ZNF730: variants seen among roughly 807,000 people sequenced by gnomAD.
ZNF730 encodes zinc finger protein 730, also known as putative zinc finger protein 730.
A neutral mutation model predicts 12.6 loss-of-function variants in ZNF730; 12 were observed. The ratio of observed to expected loss-of-function variants is 0.95; its 90% CI spans 0.61 to 1.54. The LOEUF (loss-of-function observed/expected upper bound fraction) is 1.54, where lower values mean the gene tolerates loss of function less well. ZNF730 is among the 40% of genes most tolerant of loss of function. The probability of loss-of-function intolerance (pLI) is 0.00; values close to 1 mark genes in which losing one functional copy is unlikely to be tolerated. For missense variants in ZNF730, 643 were observed against 583.5 expected, an observed-to-expected ratio of 1.10 and a Z score of -1.05; for synonymous variants, 194 against 195.8, an observed-to-expected ratio of 0.99 and a Z score of 0.08.
chr19:23,096,118 A>G (rs1970246628), intron 1 of ZNF730, among the ~76,000 whole-genome samples: 1 of 152,078 alleles, frequency 6.6e-6, no homozygotes, highest in African/African-American at 2.4e-5. Context: ...CCTGAGCCCT[A>G]CCTACAGGTA....
rs776157964 is a variant in ZNF730 at position 23,145,716 on chromosome 19, G to GA, written c.678dup (p.Pro227ThrfsTer5). 5.1e-6 allele frequency: 8 copies of GA among 1,556,022 alleles called. No homozygotes were observed. Among genetic ancestry groups the GA allele is most frequent in the South Asian group, 4.7e-5 (4 of 84,906 alleles). On this transcript the variant is annotated frameshift_variant, in exon 4 of 4. Coordinates refer to ENST00000597761, the MANE Select transcript of ZNF730 (RefSeq NM_001277403.2). LOFTEE classifies it low-confidence loss of function (END_TRUNC). ...GTACTACACATAAAAGAATTACTGA[G>GA]AAAAAACCTTACAAATGTAAAGAAT... is the stretch of plus-strand genomic sequence containing the variant.
Position 23,100,630 on chromosome 19 carries a change from C to CTTTT in ZNF730, c.-94+25283_-94+25286dup, listed in dbSNP as rs201462781. 3.4e-5 allele frequency among the ~76,000 whole-genome samples: 4 copies of CTTTT among 118,554 alleles called. 1 individual carries two copies. The highest frequency in any genetic ancestry group is 1.6e-4 in the African/African-American group (4 of 25,416). 77.8% of individuals were successfully genotyped at this position (118,554 alleles called of 152,430 possible). ...TCTAGCCACAATTTGGATGGTGATT[C>CTTTT]TTTTTTTTTTTTTTTTTTTTTTTTT... On this transcript the variant is annotated intron_variant, in intron 1 of 2. Transcript: ENST00000593635.
intron 2 of ZNF730, among the ~76,000 whole-genome samples, chr19:23,134,527 C>T (rs1304107297): frequency 6.9e-6 from 1 of 145,436 alleles, no homozygotes; most frequent in Non-Finnish European, 1.5e-5. Context: ...GTGAGGGGCG[C>T]CTCTGCCCGG....
rs1199262091 is a variant in ZNF730 at position 23,145,285 on chromosome 19, A to G, written c.241A>G (p.Ile81Val). The G allele has an allele frequency of 2.0e-6, 3 of 1,532,962 alleles. No homozygotes were observed. The highest frequency in any genetic ancestry group is 1.4e-5 in the African/African-American group (1 of 71,846). 95.0% of individuals were successfully genotyped at this position (1,532,962 alleles called of 1,614,324 possible). The change falls in exon 4 of 4, where the codon ATT (isoleucine) becomes GTT (valine). Residue 81 changes from isoleucine to valine, a missense_variant. Physicochemically the swap from Ile to Val is conservative, Grantham distance 29. Coordinates refer to ENST00000597761, the MANE Select transcript of ZNF730 (RefSeq NM_001277403.2). Reference protein sequence around the residue: ...VAKPPVICSHIAQDLWPEQGI... With the variant: ...VAKPPVICSHVAQDLWPEQGI... ...ATTTCTTTCAGTTATATGTTCTCAT[A>G]TTGCCCAAGACCTTTGGCCAGAGCA...
In ZNF730 at chr19:23,126,572, TG is replaced by T. The variant is rs1970670702; in HGVS notation, c.4-7507del. ...CAACAGGAAGGCAGAATGTGGCTTA[TG>T]TGTCTCCGTTTAGCACTGCCAGGCA... On this transcript the variant is annotated intron_variant, in intron 1 of 3. Transcript: ENST00000597761. 5 of 433,718 alleles carry T rather than the reference TG, an allele frequency of 1.2e-5. No individual in the cohort carries two copies. The Admixed American group carries it at 1.5e-4, about 13-fold the overall frequency. The allele number at this position is 433,718 out of a possible 1,614,324, so 26.9% of individuals were successfully genotyped here.
intron 1 of ZNF730, among the ~76,000 whole-genome samples, chr19:23,111,886 T>A (rs936763866): frequency 1.3e-5 from 2 of 152,256 alleles, no homozygotes; most frequent in Admixed American, 6.5e-5. Flanking sequence ...AAATAGTCAT[T>A]GGAAGGCCTA....
chr19:23,123,627 T>C (rs1970626630), intron 1 of ZNF730: 1 of 121,912 alleles, frequency 8.2e-6, no homozygotes, highest in Non-Finnish European at 1.7e-5. Flanking sequence ...GAACATGCCT[T>C]TTTTTTTCAT....
chr19:23,143,373 T>A (rs1481745214), intron 3 of ZNF730, among the ~76,000 whole-genome samples: 2 of 152,256 alleles, frequency 1.3e-5, no homozygotes, highest in Non-Finnish European at 2.9e-5. Flanking sequence ...TTTTATGTTG[T>A]ATATTTATTA....
At chr19:23,091,063 G>A (rs534386803) in intron 1 of ZNF730, among the ~76,000 whole-genome samples, 3 of 152,006 alleles carry the variant, frequency 2.0e-5, no homozygotes, top group Admixed American at 6.5e-5. Context: ...TCCCCATGCT[G>A]TGTGCAGCCT....
intron 1 of ZNF730, among the ~76,000 whole-genome samples, chr19:23,111,622 G>T (rs1422257493): frequency 6.6e-6 from 1 of 152,022 alleles, no homozygotes; most frequent in Non-Finnish European, 1.5e-5. Context: ...GGTGGTGCAT[G>T]CCTGTAGTCC....
chr19:23,102,551 A>C (rs186983769), intron 1 of ZNF730, among the ~76,000 whole-genome samples: 8 of 150,852 alleles, frequency 5.3e-5, no homozygotes, highest in African/African-American at 1.7e-4. Flanking sequence ...GCTGGAGTGC[A>C]GTGGTGTGAT....
At chr19:23,105,951 A>G (rs1468141834) in intron 1 of ZNF730, among the ~76,000 whole-genome samples, 1 of 152,216 alleles carries the variant, frequency 6.6e-6, no homozygotes, top group Non-Finnish European at 1.5e-5. Flanking sequence ...AAAAGGCTAC[A>G]TATTACATGA....
At chr19:23,116,890 CATCTG>C (rs1970534602), upstream of ZNF730, 1 of 435,478 alleles carries the variant, frequency 2.3e-6, no homozygotes, top group African/African-American at 2.1e-5. Flanking sequence ...TTCAGTCCAG[CATCTG>C]ATCACATCTG....
intron 1 of ZNF730, among the ~76,000 whole-genome samples, chr19:23,105,104 T>C (rs569233530): frequency 7.6e-5 from 11 of 143,910 alleles, no homozygotes; most frequent in Admixed American, 5.5e-4. Context: ...AGTCCTGTTA[T>C]GATTTTTTCT....
chr19:23,135,593 C>G (rs900742023), intron 2 of ZNF730, among the ~76,000 whole-genome samples: 6 of 152,048 alleles, frequency 3.9e-5, no homozygotes, highest in Non-Finnish European at 8.8e-5. Flanking sequence ...TCACTGCAAC[C>G]TCTGCCTCCT....
intron 1 of ZNF730, among the ~76,000 whole-genome samples, chr19:23,120,747 G>T (rs1480562197): frequency 6.6e-6 from 1 of 151,966 alleles, no homozygotes; most frequent in Non-Finnish European, 1.5e-5. Context: ...TTAGGAGTTG[G>T]TTTTCTCTTG....
upstream of ZNF730, among the ~76,000 whole-genome samples, chr19:23,115,889 G>A (rs1970512779): frequency 6.6e-6 from 1 of 152,230 alleles, no homozygotes; most frequent in Non-Finnish European, 1.5e-5. Flanking sequence ...CATGCACCCA[G>A]TGCAGATAGG....
chr19:23,103,126 CATCCGGCCAG>C (rs1240382864), intron 1 of ZNF730, among the ~76,000 whole-genome samples: 1 of 152,176 alleles, frequency 6.6e-6, no homozygotes, highest in African/African-American at 2.4e-5. Flanking sequence ...CATATATGAA[CATCCGGCCAG>C]AGTTGAAATC....
chr19:23,118,977 A>G (rs1388808118), intron 1 of ZNF730, among the ~76,000 whole-genome samples: 1 of 152,174 alleles, frequency 6.6e-6, no homozygotes, highest in East Asian at 1.9e-4. Flanking sequence ...AAAAAGAAAA[A>G]GAATCATCTG....
Sources: allele counts gnomAD v4.1 joint callset (sites outside exome capture counted in the v4.1 genomes callset), GRCh38; gene constraint gnomAD v4.1.1; transcripts MANE v1.5; gene names NCBI Gene and HGNC (gene_info 2026-07-23, HGNC 2026-07-21).